SEPTIN11: variants seen among roughly 807,000 people sequenced by gnomAD.
The protein encoded by SEPTIN11 is septin-11.
SEPTIN11 carries 25 observed loss-of-function variants against 51.4 expected under a neutral mutation model. That is an observed-to-expected ratio of 0.49 (90% CI 0.35 to 0.68). The LOEUF is 0.68. Among genes scored for constraint, SEPTIN11 ranks in the 30% least tolerant of loss-of-function variants. The pLI, the probability that SEPTIN11 is intolerant of heterozygous loss-of-function variation, is 0.00. For missense variants in SEPTIN11, 381 were observed against 520.8 expected (o/e 0.73, Z 2.61); for synonymous variants, 174 against 184.1 (o/e 0.95, Z 0.44).
At position 76,988,892 on chromosome 4, in the gene SEPTIN11, A is replaced by C. The variant is rs995768887; in HGVS notation, c.28-7533A>C. ...GCACACAGATTTCCATTTGGTTTGG[A>C]GTTTCCCAGCATAACTGATAGAAAC... On this transcript the variant is annotated intron_variant, in intron 1 of 9. Transcript: ENST00000264893. 2.0e-5 allele frequency among the ~76,000 whole-genome samples: 3 copies of C among 152,252 alleles called. No individual in the cohort carries two copies. In the East Asian group the frequency reaches 5.8e-4, roughly 29 times the overall value.
intron 2 of SEPTIN11, among the ~76,000 whole-genome samples, chr4:77,000,843 C>G (rs1017043119): frequency 1.3e-5 from 2 of 152,124 alleles, no homozygotes; most frequent in Admixed American, 6.5e-5. Context: ...CTATGAGGAA[C>G]AAGAACAACG....
At chr4:76,991,727 A>G (rs1352228171) in intron 1 of SEPTIN11, among the ~76,000 whole-genome samples, 2 of 152,186 alleles carry the variant, frequency 1.3e-5, no homozygotes, top group African/African-American at 4.8e-5. Context: ...ACGCCATGGT[A>G]TTGATGACTT....
chr4:77,025,882 G>A (rs1422034626), intron 7 of SEPTIN11, among the ~76,000 whole-genome samples: 13 of 152,190 alleles, frequency 8.5e-5, no homozygotes, highest in African/African-American at 3.1e-4. Flanking sequence ...CCATTTGCCT[G>A]CTCTGGCCCA....
In SEPTIN11 at chr4:77,038,229, G is replaced by A; in HGVS notation, c.*3717G>A. On this transcript the variant is annotated 3_prime_UTR_variant, in exon 10 of 10. Coordinates refer to ENST00000264893, the MANE Select transcript of SEPTIN11 (RefSeq NM_018243.4). ...ATGAAGGGAATTTTTTAAATAAATT[G>A]AAAAGCTGTGAACAGCATTAGAACT... The A allele has an allele frequency of 1.0e-6, 1 of 985,626 alleles. No homozygotes were observed. The highest frequency in any genetic ancestry group is 1.2e-6 in the Non-Finnish European group (1 of 829,708). The allele number at this position is 985,626 out of a possible 1,614,324, so 61.1% of individuals were successfully genotyped here.
downstream of SEPTIN11, chr4:77,039,964 C>T (rs1161946267): frequency 1.3e-5 from 2 of 155,688 alleles, no homozygotes; most frequent in African/African-American, 4.8e-5. Context: ...TTTAAGCTCA[C>T]TTGAGTGAAG....
chr4:76,965,024 C>T (rs144269001), intron 1 of SEPTIN11, among the ~76,000 whole-genome samples: 70 of 152,282 alleles, frequency 4.6e-4, no homozygotes, highest in African/African-American at 1.4e-3. Flanking sequence ...ATTGCTAAGT[C>T]ATTCTTACCT....
intron 1 of SEPTIN11, among the ~76,000 whole-genome samples, chr4:76,994,928 T>A (rs999330043): frequency 7.5e-4 from 81 of 108,066 alleles, no homozygotes; most frequent in South Asian, 1.9e-3. Context: ...TTTTTTTTTT[T>A]AAATAAAATG....
downstream of SEPTIN11, chr4:77,039,759 TGA>T (rs1255040177): frequency 2.2e-5 from 22 of 983,668 alleles, no homozygotes; most frequent in Non-Finnish European, 2.5e-5. Flanking sequence ...ATCTGCCTCT[TGA>T]GAGAGAGAGA....
intron 2 of SEPTIN11, among the ~76,000 whole-genome samples, chr4:77,004,351 A>G (rs1044380962): frequency 1.3e-5 from 2 of 152,198 alleles, no homozygotes; most frequent in Non-Finnish European, 1.5e-5. Flanking sequence ...GAAGCTGGGA[A>G]AACTATCTAA....
chr4:76,951,670 C>T (rs1352911485), intron 1 of SEPTIN11, among the ~76,000 whole-genome samples: 1 of 152,168 alleles, frequency 6.6e-6, no homozygotes, highest in African/African-American at 2.4e-5. Context: ...TTTTCAGTAA[C>T]ACGTATTATT....
At chr4:76,983,086 C>G (rs1332987351) in intron 1 of SEPTIN11, among the ~76,000 whole-genome samples, 1 of 152,090 alleles carries the variant, frequency 6.6e-6, no homozygotes, top group African/African-American at 2.4e-5. Flanking sequence ...AGATCCCAGC[C>G]CCCTGGTGTA....
chr4:77,016,657 C>CATATATATATATATATATATATATATAT (rs1560736525), intron 5 of SEPTIN11, among the ~76,000 whole-genome samples: 3 of 79,218 alleles, frequency 3.8e-5, no homozygotes, highest in Non-Finnish European at 7.1e-5. Flanking sequence ...TATATATATA[C>CATATATATATATATATATATATATATAT]ACATATATAT....
intron 1 of SEPTIN11, among the ~76,000 whole-genome samples, chr4:76,994,131 C>T (rs189826554): frequency 2.0e-5 from 3 of 152,194 alleles, no homozygotes; most frequent in Admixed American, 6.5e-5. Flanking sequence ...TTCTGCCCTG[C>T]GTTGTCTCTT....
At chr4:76,991,735 C>G (rs1723390258) in intron 1 of SEPTIN11, among the ~76,000 whole-genome samples, 1 of 152,194 alleles carries the variant, frequency 6.6e-6, no homozygotes, top group African/African-American at 2.4e-5. Context: ...GTATTGATGA[C>G]TTTTATCCTT....
intron 1 of SEPTIN11, chr4:76,987,817 C>G (rs962244650): frequency 1.0e-6 from 1 of 979,708 alleles, no homozygotes; most frequent in Non-Finnish European, 1.2e-6. Flanking sequence ...AGCTCAGAGG[C>G]GTCTGTACTA....
At chr4:77,008,912 G>C (rs1724673960) in intron 3 of SEPTIN11, among the ~76,000 whole-genome samples, 2 of 152,200 alleles carry the variant, frequency 1.3e-5, no homozygotes, top group Admixed American at 1.3e-4. Context: ...GCTAAGTTGG[G>C]ATTAAGCTTC....
chr4:76,955,377 A>C (rs1251144703), intron 1 of SEPTIN11, among the ~76,000 whole-genome samples: 1 of 152,180 alleles, frequency 6.6e-6, no homozygotes, highest in Non-Finnish European at 1.5e-5. Flanking sequence ...GAAGTGTTCC[A>C]AGCCCAGGAA....
At chr4:76,989,604 C>A (rs1560712848) in intron 1 of SEPTIN11, among the ~76,000 whole-genome samples, 1 of 152,168 alleles carries the variant, frequency 6.6e-6, no homozygotes, top group Non-Finnish European at 1.5e-5. Context: ...TCAGTAGACC[C>A]AGGGCTGGAT....
intron 5 of SEPTIN11, 28 bp downstream of exon 5, chr4:77,015,045 G>A: frequency 1.2e-6 from 2 of 1,607,296 alleles, no homozygotes; most frequent in Non-Finnish European, 8.5e-7. Flanking sequence ...ATGGGAACAA[G>A]TGATTTTTAT....
Sources: allele counts gnomAD v4.1 joint callset (sites outside exome capture counted in the v4.1 genomes callset), GRCh38; gene constraint gnomAD v4.1.1; transcripts MANE v1.5; gene names NCBI Gene and HGNC (gene_info 2026-07-23, HGNC 2026-07-21).